CPQ: variants seen among roughly 807,000 people sequenced by gnomAD.
CPQ encodes the protein Ser-Met dipeptidase.
In CPQ, 37 loss-of-function variants were observed where a neutral mutation model predicts 45.7. That is an observed-to-expected ratio of 0.81 (90% confidence interval 0.62 to 1.07). The LOEUF is 1.07. CPQ is among the 50% of genes least tolerant of loss of function. The probability of loss-of-function intolerance (pLI) is 0.00; values close to 1 mark genes in which losing one functional copy is unlikely to be tolerated. For missense variants in CPQ, 537 were observed against 572.9 expected (o/e 0.94, Z 0.64); for synonymous variants, 186 against 205.8 (o/e 0.90, Z 0.82).
In CPQ at chr8:96,660,635, T is replaced by TGG. The variant is rs926661117; in HGVS notation, c.-35+15234_-35+15235dup. 4.4e-4 allele frequency among the ~76,000 whole-genome samples: 38 copies of TGG among 87,154 alleles called. No individual in the cohort carries two copies. In the South Asian group the frequency reaches 6.3e-3, roughly 14 times the overall value. 57.2% of individuals were successfully genotyped at this position (87,154 alleles called of 152,430 possible). A position where few individuals can be genotyped will look rare whatever the true frequency, so the allele number is the denominator to read the frequency against. ...TCTGAAATGGGGCTGAGAATACATT[T>TGG]GGTGTGTGTGTGTGTGTGTGTGTGT... is the stretch of plus-strand genomic sequence containing the variant. On this transcript the variant is annotated intron_variant, in intron 1 of 7. Coordinates refer to ENST00000220763, the MANE Select transcript of CPQ (RefSeq NM_016134.4).
At chr8:97,035,956 C>A (rs1809996087) in intron 6 of CPQ, among the ~76,000 whole-genome samples, 2 of 152,152 alleles carry the variant, frequency 1.3e-5, no homozygotes, top group South Asian at 4.1e-4. Flanking sequence ...ATCCGCCCAC[C>A]ACGGCCTCCC....
chr8:96,722,609 A>C (rs1809779996), intron 1 of CPQ, among the ~76,000 whole-genome samples: 1 of 152,222 alleles, frequency 6.6e-6, no homozygotes, highest in South Asian at 2.1e-4. Context: ...AAGCATAGGA[A>C]AGTATGCTAG....
chr8:97,126,642 A>T (rs1005674571), intron 7 of CPQ, among the ~76,000 whole-genome samples: 1 of 152,226 alleles, frequency 6.6e-6, no homozygotes, highest in African/African-American at 2.4e-5. Flanking sequence ...TTAAAAAATA[A>T]CATCAAAGAA....
At chr8:96,956,003 CA>C (rs1813351365) in intron 4 of CPQ, among the ~76,000 whole-genome samples, 1 of 152,090 alleles carries the variant, frequency 6.6e-6, no homozygotes, top group African/African-American at 2.4e-5. Flanking sequence ...GCAATGGCAA[CA>C]AAAGCCAAAA....
intron 2 of CPQ, 29 bp downstream of exon 2, chr8:96,785,359 T>C: frequency 6.5e-7 from 1 of 1,527,844 alleles, no homozygotes; most frequent in Non-Finnish European, 8.8e-7. Context: ...GTTTGATTTG[T>C]ATTTTATAAA....
chr8:96,698,024 A>G (rs1809408100), intron 1 of CPQ, among the ~76,000 whole-genome samples: 1 of 152,238 alleles, frequency 6.6e-6, no homozygotes, highest in South Asian at 2.1e-4. Context: ...ATATGGAACC[A>G]CTAAAGGCCC....
chr8:97,125,982 G>A (rs1461563153), intron 7 of CPQ, among the ~76,000 whole-genome samples: 1 of 152,258 alleles, frequency 6.6e-6, no homozygotes, highest in East Asian at 1.9e-4. Context: ...CTAAAAGAGA[G>A]GGGCTCTGTG....
At chr8:97,137,678 CCAGCA>C (rs1020596061) in intron 7 of CPQ, among the ~76,000 whole-genome samples, 7 of 152,132 alleles carry the variant, frequency 4.6e-5, no homozygotes, top group Non-Finnish European at 1.5e-5. Flanking sequence ...GCCTGTAATC[CCAGCA>C]CTTTGGGAGG....
At chr8:96,848,688 A>T (rs1811731574) in intron 3 of CPQ, among the ~76,000 whole-genome samples, 2 of 152,044 alleles carry the variant, frequency 1.3e-5, no homozygotes, top group Admixed American at 1.3e-4. Context: ...CAATTTTAGG[A>T]TTGTTGTCAA....
intron 5 of CPQ, among the ~76,000 whole-genome samples, chr8:96,988,589 A>G (rs1408916270): frequency 6.6e-6 from 1 of 152,222 alleles, no homozygotes; most frequent in Non-Finnish European, 1.5e-5. Context: ...TCGCAAACTT[A>G]GAAAGATTTA....
intron 1 of CPQ, among the ~76,000 whole-genome samples, chr8:96,699,334 A>G (rs982009708): frequency 6.6e-6 from 1 of 152,148 alleles, no homozygotes; most frequent in African/African-American, 2.4e-5. Context: ...AGAGGCTGAG[A>G]AAGGTAGTAG....
intron 7 of CPQ, among the ~76,000 whole-genome samples, chr8:97,131,337 A>G (rs750788675): frequency 1.2e-4 from 19 of 152,184 alleles, no homozygotes; most frequent in Non-Finnish European, 2.8e-4. Flanking sequence ...ACACAGATCA[A>G]TTTTCTTCAT....
chr8:97,089,405 A>G (rs28408038), intron 7 of CPQ, among the ~76,000 whole-genome samples: 15,539 of 152,158 alleles, frequency 0.1, 1,198 homozygotes, highest in African/African-American at 0.21. Context: ...AGTAATTCCA[A>G]TGATCCAGGG....
intron 1 of CPQ, among the ~76,000 whole-genome samples, chr8:96,681,371 G>A (rs1054694799): frequency 1.3e-5 from 2 of 152,174 alleles, no homozygotes; most frequent in African/African-American, 4.8e-5. Flanking sequence ...GCTAAAAGGG[G>A]CCAAGGTACA....
At chr8:96,859,823 A>AT (rs1227452983) in intron 3 of CPQ, among the ~76,000 whole-genome samples, 1 of 152,014 alleles carries the variant, frequency 6.6e-6, no homozygotes, top group Non-Finnish European at 1.5e-5. Context: ...AGACATGCTG[A>AT]TTTTTATTTG....
At chr8:96,805,789 C>A (rs1484545406) in intron 2 of CPQ, among the ~76,000 whole-genome samples, 1 of 151,918 alleles carries the variant, frequency 6.6e-6, no homozygotes, top group Non-Finnish European at 1.5e-5. Flanking sequence ...TTCCCTCATG[C>A]AGATTTGGTC....
chr8:96,762,071 G>A (rs1051513988), intron 1 of CPQ, among the ~76,000 whole-genome samples: 5 of 152,164 alleles, frequency 3.3e-5, no homozygotes, highest in South Asian at 2.1e-4. Flanking sequence ...ATACCATCAC[G>A]TGCTGCTGTG....
intron 1 of CPQ, among the ~76,000 whole-genome samples, chr8:96,765,123 T>G (rs372111144): frequency 3.3e-5 from 5 of 152,352 alleles, no homozygotes; most frequent in Admixed American, 1.3e-4. Context: ...CTGGGTTGAT[T>G]AGACTTTGCT....
intron 5 of CPQ, among the ~76,000 whole-genome samples, chr8:96,970,201 C>T (rs1813641379): frequency 6.6e-6 from 1 of 152,084 alleles, no homozygotes; most frequent in African/African-American, 2.4e-5. Flanking sequence ...GAAATGGAAG[C>T]CTAAAGGGTA....
Sources: gnomAD v4.1 joint callset for allele counts (sites outside exome capture counted in the v4.1 genomes callset) on GRCh38, gnomAD v4.1.1 for gene constraint, MANE v1.5 for transcripts, NCBI Gene and HGNC (gene_info 2026-07-23, HGNC 2026-07-21) for gene names.